METAP1: variants seen among roughly 807,000 people sequenced by gnomAD.
METAP1 encodes the protein methionyl aminopeptidase 1, also known as methionine aminopeptidase 1.
In METAP1, 28 loss-of-function variants were observed where a neutral mutation model predicts 53.8. The observed-to-expected ratio is 0.52, with a 90% CI of 0.39 to 0.71. The LOEUF (loss-of-function observed/expected upper bound fraction) is 0.71, where lower values mean the gene tolerates loss of function less well. Among genes scored for constraint, METAP1 ranks in the 30% least tolerant of loss-of-function variants. The pLI, the probability that METAP1 is intolerant of heterozygous loss-of-function variation, is 0.00. For synonymous variants in METAP1, 181 were observed against 165.7 expected (o/e 1.09, Z -0.71); for missense variants, 389 against 479.8 (o/e 0.81, Z 1.77).
intron 1 of METAP1, chr4:99,022,549 C>T: frequency 1.6e-6 from 1 of 639,558 alleles, no homozygotes; most frequent in East Asian, 2.6e-5. Flanking sequence ...AGCAAGAAAG[C>T]ATTGTCCCCA....
rs1727549216 is a variant in METAP1 at position 99,061,551 on chromosome 4, T to C, written c.*234T>C. The C allele has an allele frequency of 2.8e-6, 1 of 362,672 alleles. No homozygotes were observed. Among genetic ancestry groups the C allele is most frequent in the Non-Finnish European group, 4.9e-6 (1 of 204,828 alleles). The allele number at this position is 362,672 out of a possible 1,614,324, so 22.5% of individuals were successfully genotyped here. The stretch of plus-strand genomic sequence containing the variant: ...AGCCCCCTCCCCCTGCACACCTGTT[T>C]TCTCATTTGCCCTTTGAGCACTTTT... On this transcript the variant is annotated 3_prime_UTR_variant, in exon 11 of 11. Transcript: ENST00000296411.
At chr4:99,012,360 T>A (rs1723521525) in intron 1 of METAP1, among the ~76,000 whole-genome samples, 1 of 150,300 alleles carries the variant, frequency 6.7e-6, no homozygotes, top group South Asian at 2.1e-4. Flanking sequence ...AACCTTTGCC[T>A]CCTGGATTCA....
intron 9 of METAP1, among the ~76,000 whole-genome samples, chr4:99,050,509 T>G (rs558609580): frequency 2.0e-4 from 31 of 152,092 alleles, no homozygotes; most frequent in Admixed American, 3.9e-4. Context: ...TGAGCAACCT[T>G]TCTAAGGGAG....
At position 99,056,726 on chromosome 4, in the gene METAP1, C is replaced by T. The variant is rs533408270; in HGVS notation, c.932-1027C>T. Among the ~76,000 whole-genome samples, 480 of 152,102 alleles carry T rather than the reference C, an allele frequency of 3.2e-3. 4 individuals carry two copies. Among genetic ancestry groups the T allele is most frequent in the African/African-American group, 0.011 (459 of 41,488 alleles). On this transcript the variant is annotated intron_variant, in intron 9 of 10. Coordinates refer to ENST00000296411, the MANE Select transcript of METAP1 (RefSeq NM_015143.3). ...CTGGGACTACAGGCCCCCGCCACCA[C>T]GCCCAGCTAATTTTTTGTATTTTTA...
intron 1 of METAP1, chr4:99,005,733 GC>G (rs1466931736): frequency 4.9e-6 from 2 of 409,178 alleles, no homozygotes; most frequent in African/African-American, 4.2e-5. Context: ...ATACTCCCCA[GC>G]CATTAAAAAA....
In METAP1 at chr4:99,048,842, T is replaced by G. The variant is rs747581694; in HGVS notation, c.897T>G (p.Leu299=). 1 of 1,614,020 alleles carries G rather than the reference T, an allele frequency of 6.2e-7. No individual in the cohort carries two copies. The highest frequency in any genetic ancestry group is 8.5e-7 in the Non-Finnish European group (1 of 1,179,878). Residue 299 remains leucine (L), a synonymous_variant, in exon 9 of 11, where the codon CTT becomes CTG. Coordinates refer to ENST00000296411, the MANE Select transcript of METAP1 (RefSeq NM_015143.3). ...ATTGTGGGCATGGAATCCACAAGCT[T>G]TTTCATACAGCTCCCAATGTACCCC... ...RSYCGHGIHK[L]FHTAPNVPHY...
At chr4:99,038,975 A>G (rs189287957) in intron 4 of METAP1, among the ~76,000 whole-genome samples, 3 of 152,310 alleles carry the variant, frequency 2.0e-5, no homozygotes, top group Non-Finnish European at 4.4e-5. Flanking sequence ...GTTTCAGAAA[A>G]TAGTGTAATT....
intron 8 of METAP1, among the ~76,000 whole-genome samples, chr4:99,048,368 C>CT (rs34099231): frequency 0.074 from 10,917 of 148,498 alleles, 517 homozygotes; most frequent in South Asian, 0.13. Context: ...ATAGTAATTA[C>CT]TTTTTTTTTT....
chr4:99,015,876 A>T (rs984122318), intron 1 of METAP1, among the ~76,000 whole-genome samples: 1 of 152,218 alleles, frequency 6.6e-6, no homozygotes, highest in African/African-American at 2.4e-5. Context: ...AAGGTATGTT[A>T]GGTTCTTCTT....
At chr4:99,051,321 T>G (rs944336817) in intron 9 of METAP1, among the ~76,000 whole-genome samples, 13 of 152,166 alleles carry the variant, frequency 8.5e-5, no homozygotes, top group Non-Finnish European at 1.9e-4. Flanking sequence ...CATGTGAGTT[T>G]CCTATTAAAG....
At chr4:99,016,094 T>C (rs1455780481) in intron 1 of METAP1, among the ~76,000 whole-genome samples, 1 of 152,208 alleles carries the variant, frequency 6.6e-6, no homozygotes, top group African/African-American at 2.4e-5. Flanking sequence ...GTCTCCAGGC[T>C]GATGCGATTG....
chr4:99,007,888 T>C (rs1483073487), intron 1 of METAP1, among the ~76,000 whole-genome samples: 1 of 152,252 alleles, frequency 6.6e-6, no homozygotes, highest in African/African-American at 2.4e-5. Context: ...GCAATCAGTC[T>C]TGTTTCTAAG....
At chr4:99,060,264 C>G (rs1481806032) in intron 10 of METAP1, among the ~76,000 whole-genome samples, 5 of 151,952 alleles carry the variant, frequency 3.3e-5, no homozygotes, top group Admixed American at 3.3e-4. Flanking sequence ...CTATTGCTCA[C>G]TACTCCCAGA....
chr4:99,015,710 A>G (rs1401555836), intron 1 of METAP1, among the ~76,000 whole-genome samples: 2 of 152,160 alleles, frequency 1.3e-5, no homozygotes, highest in African/African-American at 4.8e-5. Flanking sequence ...CAGGACATAG[A>G]TATTTTTCTG....
At chr4:99,047,354 T>TA (rs1726342344) in intron 8 of METAP1, among the ~76,000 whole-genome samples, 5 of 152,292 alleles carry the variant, frequency 3.3e-5, no homozygotes, top group Admixed American at 3.3e-4. Context: ...TATCTCTAGA[T>TA]ACTACCCTTG....
chr4:99,029,981 A>T (rs1289096099), intron 2 of METAP1, among the ~76,000 whole-genome samples: 1 of 152,224 alleles, frequency 6.6e-6, no homozygotes, highest in Non-Finnish European at 1.5e-5. Context: ...TTATCAACGC[A>T]TAAAAGATAG....
At chr4:99,014,117 A>G (rs1198961345) in intron 1 of METAP1, among the ~76,000 whole-genome samples, 1 of 152,220 alleles carries the variant, frequency 6.6e-6, no homozygotes, top group Non-Finnish European at 1.5e-5. Context: ...TCCAATAAGT[A>G]GAAGTATACC....
chr4:99,032,460 G>T (rs1725112990), intron 2 of METAP1, among the ~76,000 whole-genome samples: 1 of 152,072 alleles, frequency 6.6e-6, no homozygotes, highest in Admixed American at 6.6e-5. Context: ...TTGAACTTCT[G>T]AGCTCAAGCA....
rs991091458 is a variant in METAP1, at chr4:99,025,408, T to C, written c.115-3459T>C. ...CTAGAAGTGAAATGAGAGCACCTTCTCTTAACTCTGACTCTTTTCAGTGAT... is the reference window on the plus strand; with the variant it reads ...CTAGAAGTGAAATGAGAGCACCTTCCCTTAACTCTGACTCTTTTCAGTGAT... On this transcript the variant is annotated intron_variant, in intron 1 of 10. Coordinates refer to ENST00000296411, the MANE Select transcript of METAP1 (RefSeq NM_015143.3). The C allele has an allele frequency of 1.8e-5, 18 of 985,344 alleles. No individual in the cohort carries two copies. The African/African-American group carries it at 2.8e-4, about 15-fold the overall frequency. The allele number at this position is 985,344 out of a possible 1,614,324, so 61.0% of individuals were successfully genotyped here. A position where few individuals can be genotyped will look rare whatever the true frequency, so the allele number is the denominator to read the frequency against.
Sources: gnomAD v4.1 joint callset for allele counts (sites outside exome capture counted in the v4.1 genomes callset) on GRCh38, gnomAD v4.1.1 for gene constraint, MANE v1.5 for transcripts, NCBI Gene and HGNC (gene_info 2026-07-23, HGNC 2026-07-21) for gene names.